The following DHX30 variants were observed in gnomAD, a reference collection of about 807,000 sequenced individuals.
The protein encoded by DHX30 is DExH-box helicase 30.
DHX30 carries 4 observed loss-of-function variants against 116.9 expected under a neutral mutation model. The ratio of observed to expected loss-of-function variants is 0.03; its 90% CI spans 0.02 to 0.08. DHX30 has a LOEUF of 0.08. Among genes scored for constraint, DHX30 ranks in the 10% least tolerant of loss-of-function variants. The probability of loss-of-function intolerance (pLI) is 1.00; values close to 1 mark genes in which losing one functional copy is unlikely to be tolerated. For synonymous variants in DHX30, 697 were observed against 651.7 expected (o/e 1.07, Z -1.06); for missense variants, 871 against 1,595.1 (o/e 0.55, Z 7.73).
At chr3:47,815,987 CT>C in intron 3 of DHX30, 5 of 984,104 alleles carry the variant, frequency 5.1e-6, no homozygotes, top group Non-Finnish European at 6.0e-6. Context: ...AATGAGGACC[CT>C]CCTTAAACAG....
In DHX30 at chr3:47,825,146, C is replaced by G. The variant is rs1402959331; in HGVS notation, c.125-2201C>G. 7 of 673,822 alleles carry G rather than the reference C, an allele frequency of 1.0e-5. No individual in the cohort carries two copies. In the Middle Eastern group the frequency reaches 9.5e-4, roughly 91 times the overall value. The allele number at this position is 673,822 out of a possible 1,614,324, so 41.7% of individuals were successfully genotyped here. On this transcript the variant is annotated intron_variant, in intron 4 of 21. Coordinates refer to ENST00000445061, the MANE Select transcript of DHX30 (RefSeq NM_138615.3). ...CGACAGGGTCGCTCGCGCGGCTTCT[C>G]TTCAAGCTGCGCCCACCCCGACCAC...
intron 2 of DHX30, among the ~76,000 whole-genome samples, chr3:47,808,854 G>C (rs1209533532): frequency 1.3e-5 from 2 of 151,600 alleles, no homozygotes; most frequent in African/African-American, 4.8e-5. Context: ...TGGGATTACA[G>C]GCATGAGCCA....
At chr3:47,804,729 G>C (rs780795577) in intron 1 of DHX30, among the ~76,000 whole-genome samples, 1 of 152,204 alleles carries the variant, frequency 6.6e-6, no homozygotes, top group Non-Finnish European at 1.5e-5. Flanking sequence ...TAAGCATGGA[G>C]GGTTTTGGAG....
chr3:47,847,971 C>G lies in DHX30; in HGVS notation c.2286+15C>G, dbSNP rs1481866509. 9 of 1,611,216 alleles carry G rather than the reference C, an allele frequency of 5.6e-6. No homozygotes were observed. Among genetic ancestry groups the G allele is most frequent in the Non-Finnish European group, 7.6e-6 (9 of 1,177,652 alleles). ...TGAAGACCAAGGTGGCACCTACCTC[C>G]TGGGCCCGGCCAACCACTGGGGGAG... is the stretch of plus-strand genomic sequence containing the variant. On this transcript the variant is annotated intron_variant, in intron 14 of 21. Coordinates refer to ENST00000445061, the MANE Select transcript of DHX30 (RefSeq NM_138615.3). This position sits in a 1 kb window ranked among gnomAD's most constrained non-coding sequence, Gnocchi z 5.5.
At chr3:47,831,082 A>G (rs566766351) in intron 6 of DHX30, 5 of 151,488 alleles carry the variant, frequency 3.3e-5, no homozygotes, top group Admixed American at 2.6e-4. Flanking sequence ...GTAATAGTCC[A>G]TTGCTATAAA....
At chr3:47,820,551 A>G (rs1331739064) in intron 4 of DHX30, among the ~76,000 whole-genome samples, 2 of 152,104 alleles carry the variant, frequency 1.3e-5, no homozygotes, top group Admixed American at 1.3e-4. Flanking sequence ...GGTCCCTTCC[A>G]CTGTCCCTGC....
In DHX30 at chr3:47,846,329, A is replaced by G. The variant is rs1443147835; in HGVS notation, c.1257A>G (p.Glu419=). Residue 419 remains glutamate, a synonymous_variant, in exon 11 of 22, where the codon GAA becomes GAG. Coordinates refer to ENST00000445061, the MANE Select transcript of DHX30 (RefSeq NM_138615.3). ...EEVRLSQSLL[E]LWRRRGPVWQ... ...TACGTCTCAGCCAGAGTCTGCTAGA[A>G]CTGTGGCGGCGGCGAGGGCCGGTCT... 1 of 1,614,136 alleles carries G rather than the reference A, an allele frequency of 6.2e-7. No homozygotes were observed.
chr3:47,846,989 C>T lies in DHX30; in HGVS notation c.1917C>T (p.His639=), dbSNP rs2107137084. ...KLGKHQYLHR[H]RHHESEDECA... ...GCAAGCACCAGTACCTGCACCGGCACCGGCACCATGAGGTGAGGGACACCC... is the reference window on the plus strand; with the variant it reads ...GCAAGCACCAGTACCTGCACCGGCATCGGCACCATGAGGTGAGGGACACCC... The change falls in exon 11 of 22, where the codon CAC becomes CAT. Residue 639 remains histidine, a synonymous_variant. Transcript: ENST00000445061. 1 of 1,611,160 alleles carries T rather than the reference C, an allele frequency of 6.2e-7. No homozygotes were observed. Among genetic ancestry groups the T allele is most frequent in the South Asian group, 1.1e-5 (1 of 91,026 alleles).
chr3:47,836,914 T>C (rs2037143776), intron 6 of DHX30, among the ~76,000 whole-genome samples: 1 of 152,198 alleles, frequency 6.6e-6, no homozygotes, highest in South Asian at 2.1e-4. Flanking sequence ...AGCCTTTTAT[T>C]CTCTAATAGC....
Position 47,849,212 on chromosome 3 carries a change from G to C in DHX30, c.2950G>C (p.Glu984Gln). The C allele has an allele frequency of 6.2e-7, 1 of 1,614,064 alleles. No homozygotes were observed. The highest frequency in any genetic ancestry group is 8.5e-7 in the Non-Finnish European group (1 of 1,179,988). The stretch of plus-strand genomic sequence containing the variant: ...CCTAGGACTCATCAAGCAGTTCTCA[G>C]AGAACATTTATGAGGCCTTCCTGGT... ...FIHGLIKQFSENIYEAFLVGK... is the reference protein window; with the variant it reads ...FIHGLIKQFSQNIYEAFLVGK... The change falls in exon 19 of 22, where the codon GAG (glutamate) becomes CAG (glutamine). Residue 984 changes from glutamate to glutamine, a missense_variant. Glu to Gln is a conservative substitution (Grantham distance 29). Around this residue, in one of 13 missense-constraint regions of DHX30, gnomAD observed 238 missense variants for 481.0 expected, o/e 0.49. Transcript: ENST00000445061.
At chr3:47,810,577 C>G in intron 2 of DHX30, 80 bp from the exon 3 acceptor site, 1 of 1,140,946 alleles carries the variant, frequency 8.8e-7, no homozygotes, top group Non-Finnish European at 1.3e-6. Flanking sequence ...GAACAGTGCT[C>G]TCCATGTTAC....
chr3:47,814,951 T>A (rs2035989424), intron 3 of DHX30, among the ~76,000 whole-genome samples: 1 of 151,948 alleles, frequency 6.6e-6, no homozygotes, highest in Non-Finnish European at 1.5e-5. Context: ...CTCAAACTCC[T>A]GGCTTCATGT....
Position 47,844,517 on chromosome 3 carries a change from C to T in DHX30, c.940-1183C>T, listed in dbSNP as rs1417078764. 3.3e-5 allele frequency among the ~76,000 whole-genome samples: 5 copies of T among 152,254 alleles called. No homozygotes were observed. In the South Asian group the frequency reaches 1.0e-3, roughly 31 times the overall value. ...CTGGGGAGAGGGCAGAAGCCTGTTC[C>T]TGCAGCAAGGAGCTTGTGTTGGCAC... On this transcript the variant is annotated intron_variant, in intron 9 of 21. Transcript: ENST00000445061.
rs2035975242 is a variant in DHX30 at position 47,814,804 on chromosome 3, A to G, written c.29-3218A>G. 2.6e-5 allele frequency among the ~76,000 whole-genome samples: 4 copies of G among 151,686 alleles called. No individual in the cohort carries two copies. The South Asian group carries it at 8.4e-4, about 32-fold the overall frequency. ...TAAAGTGTTGGGATTACAGGTGTGA[A>G]CCACCACGCCCGGCCGTTTTTTGTT... On this transcript the variant is annotated intron_variant, in intron 3 of 21. Transcript: ENST00000445061.
chr3:47,845,573 T>G, intron 9 of DHX30, 127 bp from the exon 10 acceptor site: 1 of 1,109,828 alleles, frequency 9.0e-7, no homozygotes. Context: ...CATCACCATG[T>G]CAGCCAAAAT....
rs557972995 is a variant in DHX30 at position 47,847,769 on chromosome 3, C to G, written c.2111-12C>G. 1.3e-5 allele frequency: 21 copies of G among 1,610,700 alleles called. No homozygotes were observed. The South Asian group carries it at 2.3e-4, about 18-fold the overall frequency. On this transcript the variant is annotated splice_polypyrimidine_tract_variant and intron_variant, in intron 13 of 21. Transcript: ENST00000445061. The surrounding 1 kb of genome is among the most constrained non-coding windows in gnomAD (Gnocchi z 5.5). ...AGCAGTGCCCATAACTGGTGTGTGT[C>G]TTGCCCACCAGTGCACTCCAACATC...
Position 47,841,654 on chromosome 3 carries a change from A to G in DHX30, c.706A>G (p.Ile236Val), listed in dbSNP as rs781000683. The change falls in exon 8 of 22, where the codon ATT (isoleucine) becomes GTT (valine). Residue 236 changes from isoleucine to valine, a missense_variant. Ile to Val is a conservative substitution (Grantham distance 29). Around this residue, in one of 13 missense-constraint regions of DHX30, gnomAD observed 175 missense variants for 292.9 expected, o/e 0.60. Transcript: ENST00000445061. The part of the protein sequence containing the change: ...SFEMTDDDSA[I>V]RALTQFPLPK... ...TGAGATGACAGATGACGACAGTGCC[A>G]TTAGGGCTCTGACCCAGTTTCCACT... 4 of 1,614,252 alleles carry G rather than the reference A, an allele frequency of 2.5e-6. No homozygotes were observed. The highest frequency in any genetic ancestry group is 1.1e-5 in the South Asian group (1 of 91,088).
In DHX30 at chr3:47,848,682, C is replaced by A. The variant is rs768933108; in HGVS notation, c.2634C>A (p.Ser878=). 1.2e-6 allele frequency: 2 copies of A among 1,614,058 alleles called. No individual in the cohort carries two copies. The highest frequency in any genetic ancestry group is 2.7e-5 in the African/African-American group (2 of 74,928). The change falls in exon 17 of 22, where the codon TCC becomes TCA. Residue 878 remains serine, a synonymous_variant. Coordinates refer to ENST00000445061, the MANE Select transcript of DHX30 (RefSeq NM_138615.3). This position sits in a 1 kb window ranked among gnomAD's most constrained non-coding sequence, Gnocchi z 9.4. ...TTLGQRLAHI[S]TDPRLAKAIV... is the part of the protein sequence containing the mutation. Reference sequence around the variant, plus strand: ...TGGGGCAGCGCCTGGCTCACATCTCCACCGACCCCCGGTTGGCCAAGGCCA... The same window carrying A: ...TGGGGCAGCGCCTGGCTCACATCTCAACCGACCCCCGGTTGGCCAAGGCCA...
chr3:47,829,287 G>GATAGATATATATATAT (rs1220180931), intron 6 of DHX30, among the ~76,000 whole-genome samples, 153 bp downstream of exon 6: 1 of 35,848 alleles, frequency 2.8e-5, no homozygotes, highest in East Asian at 8.2e-4. Context: ...CAGCCAATGA[G>GATAGATATATATATAT]ATATATATAT....
Sources: allele counts gnomAD v4.1 joint callset (sites outside exome capture counted in the v4.1 genomes callset), GRCh38; gene constraint gnomAD v4.1.1; regional missense constraint gnomAD v4.1.1; non-coding constraint Gnocchi (gnomAD v3.1); transcripts MANE v1.5; gene names NCBI Gene and HGNC (gene_info 2026-07-23, HGNC 2026-07-21).